Variants in NRXN3 observed in about 807,000 individuals in gnomAD.
The protein encoded by NRXN3 is neurexin 3.
Under a neutral mutation model 137.6 loss-of-function variants are expected in NRXN3, and 32 were observed. That is an observed-to-expected ratio of 0.23 (90% CI 0.18 to 0.31). The LOEUF is 0.31. NRXN3 is among the 10% of genes least tolerant of loss of function. The pLI is 1.00. For synonymous variants in NRXN3, 798 were observed against 784.5 expected (o/e 1.02, Z -0.29); for missense variants, 1,574 against 2,062.5 (o/e 0.76, Z 4.59).
chr14:79,269,482 A>G (rs1169368380), intron 15 of NRXN3, among the ~76,000 whole-genome samples: 3 of 152,174 alleles, frequency 2.0e-5, no homozygotes, highest in Non-Finnish European at 4.4e-5. Context: ...TCTGTATCTG[A>G]GTTTATCCTA....
At chr14:78,805,118 C>T (rs983315149) in intron 9 of NRXN3, among the ~76,000 whole-genome samples, 3 of 152,040 alleles carry the variant, frequency 2.0e-5, no homozygotes, top group Non-Finnish European at 4.4e-5. Flanking sequence ...CCTAAAATCT[C>T]TGGGACACAA....
At chr14:78,950,111 T>C (rs191504502) in intron 10 of NRXN3, among the ~76,000 whole-genome samples, 246 of 152,268 alleles carry the variant, frequency 1.6e-3, no homozygotes, top group Non-Finnish European at 2.6e-3. Flanking sequence ...ATTAGAAAAG[T>C]GGAGAAAGTT....
At chr14:78,609,030 T>G (rs1485012262) in intron 4 of NRXN3, among the ~76,000 whole-genome samples, 1 of 151,884 alleles carries the variant, frequency 6.6e-6, no homozygotes, top group Non-Finnish European at 1.5e-5. Context: ...TAAGTATGCT[T>G]TGGGAGGGAG....
intron 15 of NRXN3, among the ~76,000 whole-genome samples, chr14:79,205,175 ACTTTTC>A (rs562070267): frequency 1.1e-3 from 169 of 152,224 alleles, no homozygotes; most frequent in African/African-American, 3.7e-3. Context: ...GCGAATAGTA[ACTTTTC>A]CTTAGCTGCT....
chr14:79,723,077 C>T (rs1368352450), intron 19 of NRXN3, among the ~76,000 whole-genome samples: 1 of 151,974 alleles, frequency 6.6e-6, no homozygotes, highest in Non-Finnish European at 1.5e-5. Flanking sequence ...AATGCAATCT[C>T]GAAGGAATAG....
At chr14:79,388,232 G>T (rs917439958) in intron 15 of NRXN3, among the ~76,000 whole-genome samples, 1 of 151,834 alleles carries the variant, frequency 6.6e-6, no homozygotes, top group Non-Finnish European at 1.5e-5. Flanking sequence ...GATCCCTGAG[G>T]CCTCTCCAAA....
At chr14:78,940,536 C>T (rs2099351074) in intron 10 of NRXN3, among the ~76,000 whole-genome samples, 1 of 152,146 alleles carries the variant, frequency 6.6e-6, no homozygotes, top group East Asian at 1.9e-4. Context: ...TTATCTCCAG[C>T]CACTAGTCAA....
At chr14:78,357,649 C>A (rs1258457108) in intron 4 of NRXN3, among the ~76,000 whole-genome samples, 3 of 152,122 alleles carry the variant, frequency 2.0e-5, no homozygotes, top group Non-Finnish European at 4.4e-5. Flanking sequence ...TAAGCATAGC[C>A]AATACAGAAG....
intron 4 of NRXN3, among the ~76,000 whole-genome samples, chr14:78,451,931 C>T (rs1176387462): frequency 6.6e-6 from 1 of 152,126 alleles, no homozygotes; most frequent in Non-Finnish European, 1.5e-5. Flanking sequence ...TTCACATTTC[C>T]CCATGAAATT....
intron 16 of NRXN3, among the ~76,000 whole-genome samples, chr14:79,505,133 T>A (rs2096864933): frequency 6.6e-6 from 1 of 151,138 alleles, no homozygotes; most frequent in African/African-American, 2.4e-5. Context: ...GAGAATCGCT[T>A]GAACTTAGGA....
chr14:79,307,258 C>T (rs2086253014), intron 15 of NRXN3, among the ~76,000 whole-genome samples: 1 of 152,010 alleles, frequency 6.6e-6, no homozygotes, highest in Non-Finnish European at 1.5e-5. Context: ...AATAAATTGA[C>T]AGAGCTGGAA....
At chr14:78,558,292 GTCACC>G in intron 4 of NRXN3, among the ~76,000 whole-genome samples, 1 of 152,166 alleles carries the variant, frequency 6.6e-6, no homozygotes, top group South Asian at 2.1e-4. Context: ...CAGTTCCTGA[GTCACC>G]TTTCTAGATG....
chr14:79,533,546 G>A (rs181441841), intron 16 of NRXN3, among the ~76,000 whole-genome samples: 20 of 152,198 alleles, frequency 1.3e-4, no homozygotes, highest in African/African-American at 4.6e-4. Flanking sequence ...AACATCATCT[G>A]CTCTGTCCCC....
chr14:79,052,634 C>A (rs1733057838), intron 15 of NRXN3, among the ~76,000 whole-genome samples: 1 of 152,192 alleles, frequency 6.6e-6, no homozygotes, highest in African/African-American at 2.4e-5. Context: ...GCTTTCCTAG[C>A]TTTAAGATGA....
intron 10 of NRXN3, among the ~76,000 whole-genome samples, chr14:78,882,679 A>T (rs977092446): frequency 6.6e-6 from 1 of 151,626 alleles, no homozygotes; most frequent in Non-Finnish European, 1.5e-5. Flanking sequence ...TTACAGTCTC[A>T]TAGGTGGAAA....
chr14:79,858,296 G>GA (rs1358043782), intron 20 of NRXN3, among the ~76,000 whole-genome samples: 9 of 151,838 alleles, frequency 5.9e-5, no homozygotes, highest in Non-Finnish European at 1.2e-4. Flanking sequence ...ATTGAAAGGA[G>GA]AAAAAACAAA....
intron 8 of NRXN3, among the ~76,000 whole-genome samples, chr14:78,793,300 C>T (rs1360534998): frequency 6.6e-6 from 1 of 152,074 alleles, no homozygotes; most frequent in Non-Finnish European, 1.5e-5. Flanking sequence ...AATGGAAACA[C>T]TTGGTGAGAA....
At chr14:78,987,985 C>CTTT in intron 14 of NRXN3, 37 bp from the exon 15 acceptor site, 3 of 1,590,698 alleles carry the variant, frequency 1.9e-6, no homozygotes, top group Non-Finnish European at 1.7e-6. Context: ...TCTCTCTCTC[C>CTTT]TTTTTCTTTT....
intron 11 of NRXN3, among the ~76,000 whole-genome samples, chr14:78,965,194 G>A (rs759709587): frequency 8.5e-5 from 13 of 152,084 alleles, no homozygotes; most frequent in East Asian, 1.9e-4. Flanking sequence ...GAGTGTGGCC[G>A]GGATGGCTTG....
Sources: gnomAD v4.1 joint callset for allele counts (sites outside exome capture counted in the v4.1 genomes callset) on GRCh38, gnomAD v4.1.1 for gene constraint, MANE v1.5 for transcripts, NCBI Gene and HGNC (gene_info 2026-07-23, HGNC 2026-07-21) for gene names.